PFAS: variants seen among roughly 807,000 people sequenced by gnomAD.
PFAS encodes the protein FGAM synthase.
Under a neutral mutation model 140.6 loss-of-function variants are expected in PFAS, and 97 were observed. That is an observed-to-expected ratio of 0.69 (90% CI 0.59 to 0.82). The LOEUF (loss-of-function observed/expected upper bound fraction) is 0.82. Ranked by LOEUF, PFAS falls within the 40% of genes least tolerant of loss-of-function variation. PFAS has a pLI of 0.00. For missense variants in PFAS, 1,656 were observed against 1,780.2 expected (o/e 0.93, Z 1.26); for synonymous variants, 679 against 718.8 (o/e 0.94, Z 0.88).
chr17:8,253,223 C>A (rs75922939), intron 1 of PFAS, among the ~76,000 whole-genome samples: 9,208 of 152,198 alleles, frequency 0.061, 376 homozygotes, highest in Middle Eastern at 0.095. Flanking sequence ...CCTTTCTCCC[C>A]CAATAAAATA....
chr17:8,259,888 G>A (rs955531477), intron 11 of PFAS, among the ~76,000 whole-genome samples: 6 of 152,152 alleles, frequency 3.9e-5, no homozygotes, highest in African/African-American at 1.2e-4. Flanking sequence ...ATCACCTGAG[G>A]TCAGGAGTTC....
At position 8,263,762 on chromosome 17, in the gene PFAS, C is replaced by T. The variant is rs772248414; in HGVS notation, c.1630-13C>T. The T allele has an allele frequency of 8.7e-6, 14 of 1,611,880 alleles. No homozygotes were observed. The highest frequency in any genetic ancestry group is 2.7e-5 in the African/African-American group (2 of 74,894). On this transcript the variant is annotated splice_polypyrimidine_tract_variant and intron_variant, in intron 14 of 27. Coordinates refer to ENST00000314666, the MANE Select transcript of PFAS (RefSeq NM_012393.3). ...ACTGGCCCTTCTCTTTCCTCCCCGCCGTGGCTGTGCAGCTTGGGGACCCAA... is the reference window on the plus strand; with the variant it reads ...ACTGGCCCTTCTCTTTCCTCCCCGCTGTGGCTGTGCAGCTTGGGGACCCAA...
rs367730048 is a variant in PFAS at position 8,269,123 on chromosome 17, G to A, written c.3876G>A (p.Leu1292=). 3.7e-6 allele frequency: 6 copies of A among 1,614,042 alleles called. No homozygotes were observed. Among genetic ancestry groups the A allele is most frequent in the Middle Eastern group, 1.6e-4 (1 of 6,062 alleles). ...AGICSCDGRH[L]AVMPHPERAV... is the part of the protein sequence containing the mutation. ...TCTGCTCCTGTGATGGCCGCCACCT[G>A]GCTGTCATGCCTCACCCTGAGCGGG... is the stretch of plus-strand genomic sequence containing the variant. Residue 1292 remains leucine (L), a synonymous_variant, in exon 28 of 28, where the codon CTG becomes CTA. Coordinates refer to ENST00000314666, the MANE Select transcript of PFAS (RefSeq NM_012393.3).
chr17:8,253,878 A>T lies in PFAS; in HGVS notation c.-60A>T, dbSNP rs1379746017. 4.5e-6 allele frequency: 7 copies of T among 1,551,606 alleles called. No individual in the cohort carries two copies. In the East Asian group the frequency reaches 1.6e-4, roughly 35 times the overall value. ...TTTTAGGAACCTAATTCATCTCTCCAGCAAAGGACACATCTCTCCAGCAAA... is the reference window on the plus strand; with the variant it reads ...TTTTAGGAACCTAATTCATCTCTCCTGCAAAGGACACATCTCTCCAGCAAA... On this transcript the variant is annotated 5_prime_UTR_variant, in exon 2 of 28. Transcript: ENST00000314666.
intron 1 of PFAS, among the ~76,000 whole-genome samples, chr17:8,250,517 G>A (rs1171425803): frequency 2.0e-5 from 3 of 152,174 alleles, no homozygotes; most frequent in African/African-American, 7.2e-5. Context: ...TTTGTCTTGA[G>A]CAACAAATTG....
chr17:8,260,164 CATT>C (rs1171708888), intron 11 of PFAS, among the ~76,000 whole-genome samples: 1 of 149,458 alleles, frequency 6.7e-6, no homozygotes, highest in African/African-American at 2.4e-5. Flanking sequence ...CATTTATTGT[CATT>C]ATGAAGTATT....
chr17:8,253,032 T>C (rs1312682246), intron 1 of PFAS, among the ~76,000 whole-genome samples: 1 of 152,112 alleles, frequency 6.6e-6, no homozygotes, highest in Non-Finnish European at 1.5e-5. Flanking sequence ...CACCTCCAAA[T>C]ACCATAACAT....
In PFAS at chr17:8,264,951, A is replaced by G. The variant is rs1249297185; in HGVS notation, c.2106A>G (p.Gln702=). The G allele has an allele frequency of 6.2e-7, 1 of 1,610,488 alleles. No homozygotes were observed. Among genetic ancestry groups the G allele is most frequent in the South Asian group, 1.1e-5 (1 of 90,744 alleles). Residue 702 remains glutamine (Q), a synonymous_variant, in exon 18 of 28, where the codon CAA becomes CAG. Coordinates refer to ENST00000314666, the MANE Select transcript of PFAS (RefSeq NM_012393.3). ...AGCAGCAGTGCGTGGGGCCCCTGCA[A>G]ACTCCTCTGGCAGATGTAGCGGTTG... ...VAQQQCVGPL[Q]TPLADVAVVA...
intron 11 of PFAS, among the ~76,000 whole-genome samples, chr17:8,261,686 CT>C (rs1235974430): frequency 6.6e-6 from 1 of 152,112 alleles, no homozygotes; most frequent in Non-Finnish European, 1.5e-5. Context: ...TCTCAGCTCA[CT>C]GCAACCTCCA....
At position 8,269,624 on chromosome 17, in the gene PFAS, AG is replaced by A. The variant is rs1350814971; in HGVS notation, c.*363del. The A allele has an allele frequency of 4.4e-6, 1 of 225,034 alleles. No individual in the cohort carries two copies. The highest frequency in any genetic ancestry group is 8.8e-6 in the Non-Finnish European group (1 of 113,402). The allele number at this position is 225,034 out of a possible 1,614,324, so 13.9% of individuals were successfully genotyped here. A position where few individuals can be genotyped will look rare whatever the true frequency, so the allele number is the denominator to read the frequency against. On this transcript the variant is annotated 3_prime_UTR_variant, in exon 28 of 28. Transcript: ENST00000314666. ...GTGTGCAATTGCCTCCTTGGCTCTG[AG>A]GGATGTTTTGCGCTCCCTTTTCTCA... is the stretch of plus-strand genomic sequence containing the variant.
At chr17:8,265,247 AT>A in intron 18 of PFAS, 40 bp from the exon 19 acceptor site, 1 of 1,597,302 alleles carries the variant, frequency 6.3e-7, no homozygotes, top group East Asian at 2.2e-5. Flanking sequence ...GCCTCTCCAC[AT>A]TTCTCTTCCC....
At position 8,267,996 on chromosome 17, in the gene PFAS, AATATATTATTTAT is replaced by A. The variant is rs1206739776; in HGVS notation, c.3382+349_3382+361del. On this transcript the variant is annotated intron_variant, in intron 26 of 27. Transcript: ENST00000314666. This position sits in a 1 kb window ranked among gnomAD's most constrained non-coding sequence, Gnocchi z 4.9. ...ATATATATTATTTATATATTATTAA[AATATATTATTTAT>A]ATATATTATTTATATATTATTAAAA... 1.5e-3 allele frequency among the ~76,000 whole-genome samples: 214 copies of A among 141,558 alleles called. 1 individual carries two copies. Among genetic ancestry groups the A allele is most frequent in the African/African-American group, 5.1e-3 (197 of 38,454 alleles). The allele number at this position is 141,558 out of a possible 152,430, so 92.9% of individuals were successfully genotyped here. A position where few individuals can be genotyped will look rare whatever the true frequency, so the allele number is the denominator to read the frequency against.
chr17:8,253,747 C>G, intron 1 of PFAS, 112 bp from the exon 2 acceptor site: 1 of 639,240 alleles, frequency 1.6e-6, no homozygotes, highest in Non-Finnish European at 2.4e-6. Context: ...CTATGTTGGC[C>G]GGGCTGATCT....
chr17:8,268,049 A>AAT (rs373386097), intron 26 of PFAS, among the ~76,000 whole-genome samples: 32,000 of 135,084 alleles, frequency 0.24, 4,421 homozygotes, highest in East Asian at 0.6. Flanking sequence ...TATATTTTTA[A>AAT]ATATATATAT....
Position 8,264,922 on chromosome 17 carries a change from G to A in PFAS, c.2077G>A (p.Ala693Thr). Reference sequence around the variant, plus strand: ...GGACCGCTCTGTGGGAGGCCTGGTGGCCCAGCAGCAGTGCGTGGGGCCCCT... The same window carrying A: ...GGACCGCTCTGTGGGAGGCCTGGTGACCCAGCAGCAGTGCGTGGGGCCCCT... The part of the protein sequence containing the change: ...KVDRSVGGLV[A>T]QQQCVGPLQT... Residue 693 changes from alanine (A) to threonine (T), a missense_variant, in exon 18 of 28, where the codon GCC becomes ACC. Transcript: ENST00000314666. 1 of 1,597,044 alleles carries A rather than the reference G, an allele frequency of 6.3e-7. No individual in the cohort carries two copies.
rs112839541 is a variant in PFAS, at chr17:8,262,015, CA to C, written c.1337-892del. Among the ~76,000 whole-genome samples the C allele has an allele frequency of 7.3e-3, 972 of 133,864 alleles. 6 individuals are homozygous for C. Among genetic ancestry groups the C allele is most frequent in the African/African-American group, 0.021 (770 of 36,502 alleles). 87.8% of individuals were successfully genotyped at this position (133,864 alleles called of 152,430 possible). ...TGGGCAACCGAGCAAGACCCCATCT[CA>C]AAAAAAAAAAAAGTTTTTAGTGTAT... On this transcript the variant is annotated intron_variant, in intron 11 of 27. Transcript: ENST00000314666.
Position 8,264,461 on chromosome 17 carries a change from G to A in PFAS, c.1918-9G>A, listed in dbSNP as rs745749411. ...GTGTTCACACTGCCTGTCGCTGTCT[G>A]TGTTGCAGGAGTTCTTCCTGCAGAG... On this transcript the variant is annotated splice_polypyrimidine_tract_variant and intron_variant, in intron 16 of 27. Transcript: ENST00000314666. 6.2e-7 allele frequency: 1 copy of A among 1,613,482 alleles called. No homozygotes were observed. The highest frequency in any genetic ancestry group is 8.5e-7 in the Non-Finnish European group (1 of 1,179,888).
chr17:8,255,647 T>G lies in PFAS; in HGVS notation c.530T>G (p.Leu177Arg). 1 of 1,582,880 alleles carries G rather than the reference T, an allele frequency of 6.3e-7. No homozygotes were observed. The highest frequency in any genetic ancestry group is 1.2e-5 in the South Asian group (1 of 85,806). The change falls in exon 5 of 28, where the codon CTG (leucine) becomes CGG (arginine). Residue 177 changes from leucine (L) to arginine (R), a missense_variant. Physicochemically the swap from Leu to Arg is moderately radical, Grantham distance 102. Transcript: ENST00000314666. ...CCCCTCAATGGCCCTATCAATATAC[T>G]GGGTGAGGGCCGGCTTGCGCTGGAG... ...PEPLNGPINILGEGRLALEKA... is the reference protein window; with the variant it reads ...PEPLNGPINIRGEGRLALEKA...
rs777433179 is a variant in PFAS, at chr17:8,267,117, C to T, written c.3057C>T (p.Asp1019=). The T allele has an allele frequency of 5.6e-6, 9 of 1,613,298 alleles. No individual in the cohort carries two copies. The highest frequency in any genetic ancestry group is 1.7e-5 in the Admixed American group (1 of 59,940). The change falls in exon 24 of 28, where the codon GAC becomes GAT. Residue 1019 remains aspartate, a synonymous_variant. Coordinates refer to ENST00000314666, the MANE Select transcript of PFAS (RefSeq NM_012393.3). This position sits in a 1 kb window ranked among gnomAD's most constrained non-coding sequence, Gnocchi z 4.9. ...GGGAGGAGACGAGTTTCCAGCTGGACCGGCTACAGGCAGAGCCTCGCTGTG... is the reference window on the plus strand; with the variant it reads ...GGGAGGAGACGAGTTTCCAGCTGGATCGGCTACAGGCAGAGCCTCGCTGTG... ...ALWEETSFQL[D]RLQAEPRCVA...
Sources: allele counts gnomAD v4.1 joint callset (sites outside exome capture counted in the v4.1 genomes callset), GRCh38; gene constraint gnomAD v4.1.1; non-coding constraint Gnocchi (gnomAD v3.1); transcripts MANE v1.5; gene names NCBI Gene and HGNC (gene_info 2026-07-23, HGNC 2026-07-21).